The following ARHGEF28 variants were observed in gnomAD, a reference collection of about 807,000 sequenced individuals.
ARHGEF28 encodes Rho guanine nucleotide exchange factor 28, also known as 190 kDa guanine nucleotide exchange factor.
A neutral mutation model predicts 206.6 loss-of-function variants in ARHGEF28; 152 were observed. That is an observed-to-expected ratio of 0.74 (90% CI 0.64 to 0.84). The LOEUF (loss-of-function observed/expected upper bound fraction) is 0.84, where lower values mean the gene tolerates loss of function less well. ARHGEF28 is among the 40% of genes least tolerant of loss of function. ARHGEF28 has a pLI of 0.00. For synonymous variants in ARHGEF28, 763 were observed against 776.4 expected (o/e 0.98, Z 0.29); for missense variants, 2,028 against 2,073.2 (o/e 0.98, Z 0.42).
intron 2 of ARHGEF28, among the ~76,000 whole-genome samples, chr5:73,690,267 G>C (rs991000143): frequency 6.6e-6 from 1 of 151,902 alleles, no homozygotes; most frequent in Non-Finnish European, 1.5e-5. Context: ...GCCAATTTGT[G>C]TTTTTGCTAA....
intron 23 of ARHGEF28, among the ~76,000 whole-genome samples, chr5:73,883,340 A>G (rs1761071633): frequency 6.6e-6 from 1 of 152,176 alleles, no homozygotes; most frequent in African/African-American, 2.4e-5. Context: ...TTTTAGAAAA[A>G]AAGTTGTCCT....
At chr5:73,915,600 A>T (rs1200764551) in intron 35 of ARHGEF28, among the ~76,000 whole-genome samples, 1 of 152,226 alleles carries the variant, frequency 6.6e-6, no homozygotes, top group Non-Finnish European at 1.5e-5. Flanking sequence ...AATCGGCCCT[A>T]TGAGATGCTC....
At chr5:73,764,948 C>T (rs1271206560) in intron 4 of ARHGEF28, among the ~76,000 whole-genome samples, 2 of 152,180 alleles carry the variant, frequency 1.3e-5, no homozygotes, top group African/African-American at 2.4e-5. Flanking sequence ...GTGTATGATA[C>T]CCATGCCAAA....
Position 73,873,049 on chromosome 5 carries a change from G to A in ARHGEF28, c.2617G>A (p.Glu873Lys), listed in dbSNP as rs1220471883. The A allele has an allele frequency of 3.7e-6, 6 of 1,613,716 alleles. No individual in the cohort carries two copies. Among genetic ancestry groups the A allele is most frequent in the African/African-American group, 1.3e-5 (1 of 75,034 alleles). ...CATCCAGACCCTGTTCATCATGTCT[G>A]AGATCTTCAGGAAAGGCATGAAAGA... ...HHIQTLFIMS[E>K]IFRKGMKEEL... The change falls in exon 22 of 36, where the codon GAG becomes AAG. Residue 873 changes from glutamate to lysine, a missense_variant. Glu to Lys is a moderately conservative substitution (Grantham distance 56). Coordinates refer to ENST00000513042, the MANE Select transcript of ARHGEF28 (RefSeq NM_001177693.2).
At chr5:73,896,143 T>C in intron 29 of ARHGEF28, among the ~76,000 whole-genome samples, 1 of 152,194 alleles carries the variant, frequency 6.6e-6, no homozygotes, top group East Asian at 1.9e-4. Context: ...AATGGGATTG[T>C]GGTAAGATGA....
intron 35 of ARHGEF28, among the ~76,000 whole-genome samples, chr5:73,912,389 G>A (rs1365576678): frequency 6.6e-6 from 1 of 152,194 alleles, no homozygotes; most frequent in Non-Finnish European, 1.5e-5. Context: ...TAGTATAGAA[G>A]TCTTCAGAAC....
intron 22 of ARHGEF28, among the ~76,000 whole-genome samples, chr5:73,876,616 A>G (rs1167425866): frequency 7.3e-6 from 1 of 136,392 alleles, no homozygotes; most frequent in Non-Finnish European, 1.6e-5. Context: ...ATTTATTGAG[A>G]GTTTTTAGCA....
intron 9 of ARHGEF28, chr5:73,813,566 G>C: frequency 6.5e-7 from 1 of 1,535,204 alleles, no homozygotes. Flanking sequence ...TGTTTCATCT[G>C]TTGATTTCAC....
rs535117173 is a variant in ARHGEF28, at chr5:73,856,716, C to T, written c.1791-940C>T. Among the ~76,000 whole-genome samples, 101 of 151,938 alleles carry T rather than the reference C, an allele frequency of 6.6e-4. 1 individual carries two copies. Among genetic ancestry groups the T allele is most frequent in the Admixed American group, 5.2e-3 (80 of 15,262 alleles). On this transcript the variant is annotated intron_variant, in intron 14 of 35. Transcript: ENST00000513042. Reference sequence around the variant, plus strand: ...TTGGTGTAAATCAGTGATTTTATTGCTTTTAAATACTTCCCAGAGATAAAT... The same window carrying T: ...TTGGTGTAAATCAGTGATTTTATTGTTTTTAAATACTTCCCAGAGATAAAT...
intron 1 of ARHGEF28, among the ~76,000 whole-genome samples, chr5:73,631,868 C>G (rs1371633164): frequency 6.6e-6 from 1 of 152,172 alleles, no homozygotes; most frequent in African/African-American, 2.4e-5. Flanking sequence ...AAACCACTTT[C>G]TGCCTGTAAC....
intron 9 of ARHGEF28, among the ~76,000 whole-genome samples, chr5:73,823,049 G>A (rs1756691327): frequency 6.6e-6 from 1 of 151,860 alleles, no homozygotes; most frequent in African/African-American, 2.4e-5. Context: ...TTTGAATGAG[G>A]AAATTTGGGA....
intron 9 of ARHGEF28, among the ~76,000 whole-genome samples, chr5:73,821,285 A>G (rs998438986): frequency 6.6e-6 from 1 of 152,150 alleles, no homozygotes; most frequent in Non-Finnish European, 1.5e-5. Flanking sequence ...ATTCATTCAG[A>G]ATGTTTCTAT....
intron 2 of ARHGEF28, among the ~76,000 whole-genome samples, chr5:73,738,948 G>A (rs1335103718): frequency 6.6e-6 from 1 of 152,072 alleles, no homozygotes; most frequent in East Asian, 1.9e-4. Flanking sequence ...TCTTTACAGT[G>A]GTGCACATGT....
chr5:73,748,861 A>C (rs1334471862), intron 2 of ARHGEF28, among the ~76,000 whole-genome samples: 1 of 152,076 alleles, frequency 6.6e-6, no homozygotes, highest in African/African-American at 2.4e-5. Context: ...AGTAGCACAA[A>C]TCCTTCAAAG....
chr5:73,653,746 C>G (rs943371013), intron 1 of ARHGEF28, among the ~76,000 whole-genome samples: 4 of 152,228 alleles, frequency 2.6e-5, no homozygotes, highest in Non-Finnish European at 5.9e-5. Context: ...AAACTAAGCA[C>G]AACATCCAGT....
In ARHGEF28 at chr5:73,908,177, G is replaced by A. The variant is rs140370142; in HGVS notation, c.4162-1235G>A. On this transcript the variant is annotated intron_variant, in intron 33 of 35. Coordinates refer to ENST00000513042, the MANE Select transcript of ARHGEF28 (RefSeq NM_001177693.2). ...CATGTGTCTGAAATTTTAAAGATTAGTTTCCAAATTTAAAAATATGAATTT... is the reference window on the plus strand; with the variant it reads ...CATGTGTCTGAAATTTTAAAGATTAATTTCCAAATTTAAAAATATGAATTT... Among the ~76,000 whole-genome samples the A allele has an allele frequency of 1.8e-3, 274 of 152,194 alleles. 1 individual carries two copies. Among genetic ancestry groups the A allele is most frequent in the African/African-American group, 6.1e-3 (255 of 41,518 alleles).
intron 2 of ARHGEF28, among the ~76,000 whole-genome samples, chr5:73,741,005 T>A (rs1751344616): frequency 6.6e-6 from 1 of 152,154 alleles, no homozygotes; most frequent in African/African-American, 2.4e-5. Flanking sequence ...TAAAGGATTA[T>A]CAGAATAAGG....
intron 31 of ARHGEF28, 147 bp from the exon 32 acceptor site, chr5:73,904,075 T>A (rs1226950953): frequency 1.9e-5 from 14 of 723,756 alleles, no homozygotes; most frequent in Non-Finnish European, 2.3e-6. Flanking sequence ...CTTTTATTTC[T>A]GGGAGGAAAC....
chr5:73,729,398 G>A (rs761184553), intron 2 of ARHGEF28, among the ~76,000 whole-genome samples: 1 of 152,114 alleles, frequency 6.6e-6, no homozygotes, highest in East Asian at 1.9e-4. Flanking sequence ...TATCCTCTGG[G>A]CTAAAGGAAT....
Sources: allele counts gnomAD v4.1 joint callset (sites outside exome capture counted in the v4.1 genomes callset), GRCh38; gene constraint gnomAD v4.1.1; transcripts MANE v1.5; gene names NCBI Gene and HGNC (gene_info 2026-07-23, HGNC 2026-07-21).